Variants in DENND1A observed in about 807,000 individuals in gnomAD.
The protein encoded by DENND1A is DENN domain-containing protein 1A.
Under a neutral mutation model 113.7 loss-of-function variants are expected in DENND1A, and 51 were observed. The observed-to-expected ratio is 0.45, with a 90% CI of 0.36 to 0.57. The LOEUF (loss-of-function observed/expected upper bound fraction) is 0.57, where lower values mean the gene tolerates loss of function less well. Among genes scored for constraint, DENND1A ranks in the 20% least tolerant of loss-of-function variants. The pLI is 0.00. For missense variants in DENND1A, 1,258 were observed against 1,395.9 expected (o/e 0.90, Z 1.57); for synonymous variants, 565 against 570.8 (o/e 0.99, Z 0.14).
chr9:123,560,180 A>C (rs2057661915), intron 12 of DENND1A, among the ~76,000 whole-genome samples: 1 of 152,202 alleles, frequency 6.6e-6, no homozygotes, highest in East Asian at 1.9e-4. Context: ...TGTGGAGACA[A>C]TGGAAATTTT....
At chr9:123,499,300 C>T (rs1028862598) in intron 13 of DENND1A, among the ~76,000 whole-genome samples, 1 of 152,240 alleles carries the variant, frequency 6.6e-6, no homozygotes, top group African/African-American at 2.4e-5. Flanking sequence ...TCCCAAAGTG[C>T]TGGGATTACA....
intron 5 of DENND1A, among the ~76,000 whole-genome samples, chr9:123,690,846 G>A (rs578045344): frequency 6.6e-6 from 1 of 152,326 alleles, no homozygotes; most frequent in South Asian, 2.1e-4. Context: ...TGATGACCCA[G>A]TTCCAAAATG....
chr9:123,757,976 TAAA>T (rs557446216), intron 4 of DENND1A, among the ~76,000 whole-genome samples, 154 bp from the exon 5 acceptor site: 21 of 123,014 alleles, frequency 1.7e-4, no homozygotes, highest in Admixed American at 2.5e-4. Context: ...GTAAGCTAGT[TAAA>T]AAAAAAAAAA....
intron 1 of DENND1A, among the ~76,000 whole-genome samples, chr9:123,914,767 G>A (rs530104814): frequency 6.6e-6 from 1 of 151,884 alleles, no homozygotes; most frequent in South Asian, 2.1e-4. Context: ...TAAACAACCA[G>A]ATCATGAACT....
chr9:123,633,921 TATAA>T (rs1272016196), intron 9 of DENND1A, among the ~76,000 whole-genome samples: 4 of 152,192 alleles, frequency 2.6e-5, no homozygotes, highest in Non-Finnish European at 4.4e-5. Flanking sequence ...CTCCACAACA[TATAA>T]ATAAATAAAT....
chr9:123,380,314 A>ACATT lies in DENND1A; in HGVS notation c.*1114_*1117dup, dbSNP rs1412855895. On this transcript the variant is annotated 3_prime_UTR_variant, in exon 24 of 24. Transcript: ENST00000394215. The stretch of plus-strand genomic sequence containing the variant: ...TAAAAAGGAAAAAGAAAGATAATAA[A>ACATT]CATTCAATCTAACTTTGGTGACGTT... 6.6e-6 allele frequency: 1 copy of ACATT among 152,554 alleles called. No homozygotes were observed. The highest frequency in any genetic ancestry group is 2.4e-5 in the African/African-American group (1 of 41,444). The allele number at this position is 152,554 out of a possible 1,614,324, so 9.5% of individuals were successfully genotyped here.
chr9:123,686,701 C>T (rs1220694553), intron 5 of DENND1A, among the ~76,000 whole-genome samples: 2 of 152,084 alleles, frequency 1.3e-5, no homozygotes, highest in African/African-American at 4.8e-5. Flanking sequence ...GTGTCAAGAC[C>T]CAGTGCCTCT....
intron 1 of DENND1A, among the ~76,000 whole-genome samples, chr9:123,888,932 A>G (rs923507569): frequency 6.7e-6 from 1 of 148,854 alleles, no homozygotes; most frequent in East Asian, 2.0e-4. Flanking sequence ...GTGATGATGC[A>G]TCAGGTCAAT....
At chr9:123,663,706 G>C (rs2063357558) in intron 8 of DENND1A, among the ~76,000 whole-genome samples, 1 of 151,990 alleles carries the variant, frequency 6.6e-6, no homozygotes, top group Admixed American at 6.6e-5. Context: ...CTATGTATCA[G>C]TATTAATCTT....
intron 13 of DENND1A, among the ~76,000 whole-genome samples, chr9:123,521,649 T>C (rs1047189057): frequency 5.9e-5 from 9 of 152,204 alleles, no homozygotes; most frequent in Non-Finnish European, 1.2e-4. Context: ...GAAATCTGGC[T>C]TCTCTGTGTC....
In DENND1A at chr9:123,387,799, T is replaced by G. The variant is rs1244594209; in HGVS notation, c.1691A>C (p.Glu564Ala). ...VFLSEDSSDD[E>A]CQREEGPSSG... is the part of the protein sequence containing the mutation. ...GCTCGGGCCCTCTTCCCGCTGGCAT[T>G]CATCATCAGAGGAGTCTTCGGAGAG... The change falls in exon 22 of 24, where the codon GAA becomes GCA. Residue 564 changes from glutamate to alanine, a missense_variant. By Grantham distance (107) the Glu-to-Ala change is moderately radical. Transcript: ENST00000394215. The G allele has an allele frequency of 1.6e-6, 2 of 1,289,788 alleles. No homozygotes were observed. Among genetic ancestry groups the G allele is most frequent in the Non-Finnish European group, 2.0e-6 (2 of 988,908 alleles). The allele number at this position is 1,289,788 out of a possible 1,614,324, so 79.9% of individuals were successfully genotyped here.
intron 5 of DENND1A, among the ~76,000 whole-genome samples, chr9:123,701,888 C>A (rs1305838251): frequency 6.6e-6 from 1 of 152,164 alleles, no homozygotes; most frequent in Middle Eastern, 3.2e-3. Context: ...CCTACTTCTT[C>A]AATGTACAGA....
chr9:123,676,813 T>C, intron 5 of DENND1A, 24 bp from the exon 6 acceptor site: 3 of 1,610,280 alleles, frequency 1.9e-6, no homozygotes, highest in Non-Finnish European at 2.5e-6. Flanking sequence ...AGGAAACACA[T>C]GAAATATTAG....
intron 2 of DENND1A, among the ~76,000 whole-genome samples, chr9:123,865,915 T>G (rs1845746028): frequency 1.3e-5 from 2 of 152,236 alleles, no homozygotes; most frequent in South Asian, 4.1e-4. Flanking sequence ...TTTGGGGGGA[T>G]GTATTTCCGT....
intron 4 of DENND1A, among the ~76,000 whole-genome samples, chr9:123,768,554 T>G (rs1829205563): frequency 6.6e-6 from 1 of 152,168 alleles, no homozygotes; most frequent in South Asian, 2.1e-4. Flanking sequence ...ATGGCATTTC[T>G]TACTTACAAT....
chr9:123,529,558 T>A (rs1254991368), intron 13 of DENND1A, among the ~76,000 whole-genome samples: 1 of 152,058 alleles, frequency 6.6e-6, no homozygotes, highest in Non-Finnish European at 1.5e-5. Context: ...ACAGTCTATT[T>A]AGACAGCCAA....
chr9:123,545,678 A>G (rs912690524), intron 13 of DENND1A, among the ~76,000 whole-genome samples: 7 of 152,066 alleles, frequency 4.6e-5, no homozygotes, highest in Non-Finnish European at 8.8e-5. Context: ...TGTGTTAGCC[A>G]GGATGGTCTT....
At chr9:123,419,014 T>A (rs569646875) in intron 19 of DENND1A, among the ~76,000 whole-genome samples, 1 of 152,364 alleles carries the variant, frequency 6.6e-6, no homozygotes, top group South Asian at 2.1e-4. Flanking sequence ...AGAATGAGCA[T>A]CTGCACTTCA....
At chr9:123,919,659 A>G (rs979169913) in intron 1 of DENND1A, among the ~76,000 whole-genome samples, 1 of 150,682 alleles carries the variant, frequency 6.6e-6, no homozygotes, top group Non-Finnish European at 1.5e-5. Flanking sequence ...AGGCAGGCAG[A>G]TCACTTGAGG....
Sources: gnomAD v4.1 joint callset for allele counts (sites outside exome capture counted in the v4.1 genomes callset) on GRCh38, gnomAD v4.1.1 for gene constraint, MANE v1.5 for transcripts, NCBI Gene and HGNC (gene_info 2026-07-23, HGNC 2026-07-21) for gene names.